TTC6: variants seen among roughly 807,000 people sequenced by gnomAD.
TTC6 encodes tetratricopeptide repeat domain 6.
A neutral mutation model predicts 210.4 loss-of-function variants in TTC6; 172 were observed. The observed-to-expected ratio is 0.82, with a 90% CI of 0.72 to 0.93. The LOEUF (loss-of-function observed/expected upper bound fraction) is 0.93, where lower values mean the gene tolerates loss of function less well. Ranked by LOEUF, TTC6 falls within the 40% of genes least tolerant of loss-of-function variation. TTC6 has a pLI of 0.00. For synonymous variants in TTC6, 804 were observed against 819.6 expected, an observed-to-expected ratio of 0.98 and a Z score of 0.32; for missense variants, 2,414 against 2,318.1, an observed-to-expected ratio of 1.04 and a Z score of -0.85.
At chr14:37,786,083 T>C (rs1231390335) in intron 14 of TTC6, among the ~76,000 whole-genome samples, 2 of 152,198 alleles carry the variant, frequency 1.3e-5, no homozygotes, top group African/African-American at 4.8e-5. Flanking sequence ...AGGGAGTCAC[T>C]TGAGGTGGCA....
At chr14:37,637,159 G>GA (rs148391130) in intron 1 of TTC6, among the ~76,000 whole-genome samples, 29,702 of 151,486 alleles carry the variant, frequency 0.2, 3,300 homozygotes, top group South Asian at 0.27. Flanking sequence ...AAAACCACAA[G>GA]AAAAAAAACC....
chr14:37,804,806 T>A, exon 21 of TTC6: 1 of 1,613,668 alleles, frequency 6.2e-7, no homozygotes, highest in Non-Finnish European at 8.5e-7. Flanking sequence ...GGAAGGCAAT[T>A]TACAAATGGT....
intron 24 of TTC6, among the ~76,000 whole-genome samples, chr14:37,809,262 T>C (rs2096124789): frequency 6.8e-6 from 1 of 147,496 alleles, no homozygotes; most frequent in Non-Finnish European, 1.5e-5. Context: ...TTTTTTTTTT[T>C]TTTTTTTTGA....
chr14:37,792,776 TTGTGTGTGTGTGTGTG>T (rs34766491), intron 17 of TTC6, among the ~76,000 whole-genome samples: 13 of 140,114 alleles, frequency 9.3e-5, no homozygotes, highest in African/African-American at 2.4e-4. Flanking sequence ...TGGTCCAATG[TTGTGTGTGTGTGTGTG>T]TGTGTGTGTG....
intron 10 of TTC6, among the ~76,000 whole-genome samples, chr14:37,745,826 T>C (rs1021133126): frequency 2.6e-5 from 4 of 152,198 alleles, no homozygotes; most frequent in African/African-American, 9.6e-5. Context: ...CTAAGCCACA[T>C]TGCAGGATTC....
At chr14:37,671,144 C>A (rs2095757384) in intron 1 of TTC6, among the ~76,000 whole-genome samples, 1 of 152,104 alleles carries the variant, frequency 6.6e-6, no homozygotes, top group Non-Finnish European at 1.5e-5. Context: ...TTGATTGAGA[C>A]TGAGGGATCT....
At chr14:37,607,517 C>CA (rs1460415097) in intron 2 of TTC6, among the ~76,000 whole-genome samples, 1 of 151,860 alleles carries the variant, frequency 6.6e-6, no homozygotes, top group African/African-American at 2.4e-5. Context: ...AAGATTAAAA[C>CA]AATGTTTCAA....
At chr14:37,680,028 G>A (rs1371333225) in intron 1 of TTC6, 123 bp from the exon 4 acceptor site, 2 of 588,494 alleles carry the variant, frequency 3.4e-6, no homozygotes, top group Non-Finnish European at 5.9e-6. Context: ...ATGTGTTATT[G>A]ACTAGTTTAT....
chr14:37,640,065 G>A (rs1192151126), intron 1 of TTC6, among the ~76,000 whole-genome samples: 1 of 151,764 alleles, frequency 6.6e-6, no homozygotes, highest in Non-Finnish European at 1.5e-5. Context: ...TTCGAATCAA[G>A]CTAGAAGTTG....
chr14:37,767,837 G>A (rs1425774002), intron 14 of TTC6, among the ~76,000 whole-genome samples: 1 of 148,892 alleles, frequency 6.7e-6, no homozygotes, highest in African/African-American at 2.5e-5. Flanking sequence ...GACTTTTGTT[G>A]CCATTGCTTC....
At chr14:37,689,012 A>C (rs371423272) in intron 3 of TTC6, among the ~76,000 whole-genome samples, 3 of 152,166 alleles carry the variant, frequency 2.0e-5, no homozygotes, top group Non-Finnish European at 2.9e-5. Context: ...ATATATTCAA[A>C]ATATATAGAG....
chr14:37,739,043 A>G (rs1258028787), exon 10 of TTC6: 8 of 1,535,406 alleles, frequency 5.2e-6, no homozygotes, highest in Non-Finnish European at 6.1e-6. Context: ...AGCTGGCATT[A>G]GTTACATTGT....
chr14:37,696,883 A>G, intron 4 of TTC6, 48 bp downstream of exon 6: 1 of 737,914 alleles, frequency 1.4e-6, no homozygotes, highest in Non-Finnish European at 2.0e-6. Flanking sequence ...GGAGTTATTC[A>G]GTAGCATAGA....
chr14:37,751,250 A>C (rs1056524913), intron 13 of TTC6, 25 bp downstream of exon 15: 1 of 1,495,144 alleles, frequency 6.7e-7, no homozygotes, highest in Non-Finnish European at 8.9e-7. Flanking sequence ...ATATAATTCT[A>C]CCATTTATAT....
At chr14:37,630,914 T>TTTTG (rs2095668507) in intron 1 of TTC6, among the ~76,000 whole-genome samples, 2 of 43,470 alleles carry the variant, frequency 4.6e-5, no homozygotes, top group African/African-American at 8.4e-5. Flanking sequence ...CCTGTTTTTT[T>TTTTG]TTTTTTTTTT....
At chr14:37,793,642 C>T (rs2139349441) in intron 17 of TTC6, among the ~76,000 whole-genome samples, 1 of 152,286 alleles carries the variant, frequency 6.6e-6, no homozygotes, top group East Asian at 1.9e-4. Flanking sequence ...TTGCTTAACC[C>T]TGTTGATGAA....
intron 6 of TTC6, among the ~76,000 whole-genome samples, chr14:37,723,741 C>T (rs2095866240): frequency 1.4e-5 from 2 of 145,994 alleles, no homozygotes; most frequent in Admixed American, 1.3e-4. Flanking sequence ...AACTTTTCCT[C>T]CCACCCCCTT....
intron 30 of TTC6, 57 bp from the exon 33 acceptor site, chr14:37,842,098 A>T (rs992599185): frequency 2.4e-5 from 34 of 1,405,208 alleles, no homozygotes; most frequent in Non-Finnish European, 3.1e-5. Flanking sequence ...TTTGTAAAAA[A>T]AGAGACTATT....
chr14:37,740,927 G>A (rs150372246), intron 10 of TTC6, among the ~76,000 whole-genome samples: 1,530 of 152,278 alleles, frequency 0.01, 13 homozygotes, highest in Middle Eastern at 0.044. Context: ...GATATAAACT[G>A]ATCAAATGCT....
Sources: gnomAD v4.1 joint callset for allele counts (sites outside exome capture counted in the v4.1 genomes callset) on GRCh38, gnomAD v4.1.1 for gene constraint, MANE v1.5 for transcripts, NCBI Gene and HGNC (gene_info 2026-07-23, HGNC 2026-07-21) for gene names.